The following SWT1 variants were observed in gnomAD, a reference collection of about 807,000 sequenced individuals.
The protein encoded by SWT1 is SWT1 RNA endoribonuclease homolog.
SWT1 carries 33 observed loss-of-function variants against 107.3 expected under a neutral mutation model. The ratio of observed to expected loss-of-function variants is 0.31; its 90% CI spans 0.23 to 0.41. The LOEUF is 0.41. Ranked by LOEUF, SWT1 falls within the 10% of genes least tolerant of loss-of-function variation. The pLI is 1.00. For synonymous variants in SWT1, 345 were observed against 348.3 expected (o/e 0.99, Z 0.11); for missense variants, 898 against 1,028.9 (o/e 0.87, Z 1.74).
At chr1:185,249,830 C>T (rs1661878724) in intron 16 of SWT1, among the ~76,000 whole-genome samples, 1 of 152,164 alleles carries the variant, frequency 6.6e-6, no homozygotes, top group African/African-American at 2.4e-5. Context: ...TTGGTTTTGG[C>T]TTCTGATTTA....
chr1:185,264,251 A>G (rs1464862102), intron 16 of SWT1: 1 of 572,656 alleles, frequency 1.7e-6, no homozygotes, highest in Admixed American at 6.4e-5. Flanking sequence ...TTAAGTATAT[A>G]GTAGACATCT....
At chr1:185,181,827 A>G in intron 6 of SWT1, 119 bp from the exon 7 acceptor site, 2 of 1,003,578 alleles carry the variant, frequency 2.0e-6, no homozygotes, top group Non-Finnish European at 2.9e-6. Flanking sequence ...TCAGAGTTTT[A>G]TAAAATTTTT....
chr1:185,213,093 C>A (rs564034600), intron 13 of SWT1, among the ~76,000 whole-genome samples: 1 of 152,030 alleles, frequency 6.6e-6, no homozygotes, highest in Non-Finnish European at 1.5e-5. Flanking sequence ...TGTCTGTATA[C>A]TGGATTTATT....
At chr1:185,230,302 G>A in intron 15 of SWT1, among the ~76,000 whole-genome samples, 1 of 152,226 alleles carries the variant, frequency 6.6e-6, no homozygotes, top group East Asian at 1.9e-4. Flanking sequence ...CAACAGAAAT[G>A]TATTTGCTCA....
chr1:185,172,618 T>A (rs1441313038), intron 4 of SWT1, among the ~76,000 whole-genome samples: 10 of 152,162 alleles, frequency 6.6e-5, no homozygotes, highest in Non-Finnish European at 5.9e-5. Context: ...TTTTTAGAGT[T>A]TTTAATTTAT....
intron 16 of SWT1, among the ~76,000 whole-genome samples, chr1:185,268,836 G>GTTTTCT (rs1171691310): frequency 1.4e-5 from 2 of 147,220 alleles, no homozygotes; most frequent in African/African-American, 2.5e-5. Context: ...CTGATAGTTT[G>GTTTTCT]TTTTCTTTCT....
At chr1:185,168,279 A>G in intron 3 of SWT1, 61 bp from the exon 4 acceptor site, 1 of 1,046,732 alleles carries the variant, frequency 9.6e-7, no homozygotes, top group Non-Finnish European at 1.3e-6. Flanking sequence ...CACTATCATA[A>G]ACTGTGGAAA....
chr1:185,228,484 C>T (rs532263931), intron 15 of SWT1, among the ~76,000 whole-genome samples: 21 of 151,390 alleles, frequency 1.4e-4, no homozygotes, highest in African/African-American at 3.6e-4. Context: ...ATTGTACCAC[C>T]GTACTCCAGC....
intron 16 of SWT1, 147 bp from the exon 17 acceptor site, chr1:185,271,176 T>C: frequency 1.9e-6 from 1 of 533,630 alleles, no homozygotes; most frequent in South Asian, 2.5e-5. Context: ...TAATTTTTAA[T>C]TGATTTTTAA....
intron 15 of SWT1, among the ~76,000 whole-genome samples, chr1:185,230,784 G>T (rs1327655980): frequency 6.6e-6 from 1 of 151,902 alleles, no homozygotes; most frequent in Admixed American, 6.6e-5. Context: ...GTCTCATTTT[G>T]TTGCCCAGGC....
intron 18 of SWT1, among the ~76,000 whole-genome samples, chr1:185,279,531 G>A (rs924082406): frequency 6.6e-6 from 1 of 151,880 alleles, no homozygotes; most frequent in Non-Finnish European, 1.5e-5. Flanking sequence ...TATTTAATAT[G>A]TTGCAGGCAT....
intron 6 of SWT1, 74 bp from the exon 7 acceptor site, chr1:185,181,872 G>A: frequency 6.7e-7 from 1 of 1,490,666 alleles, no homozygotes; most frequent in South Asian, 1.2e-5. Context: ...AATTAATTAA[G>A]AATTAATTGC....
At chr1:185,216,321 A>C (rs921905052) in intron 14 of SWT1, among the ~76,000 whole-genome samples, 1 of 152,180 alleles carries the variant, frequency 6.6e-6, no homozygotes, top group African/African-American at 2.4e-5. Context: ...AGAGGGTTAT[A>C]GCATGAGTAT....
At chr1:185,174,238 T>G in intron 4 of SWT1, 134 bp from the exon 5 acceptor site, 1 of 653,064 alleles carries the variant, frequency 1.5e-6, no homozygotes, top group South Asian at 4.8e-5. Flanking sequence ...TCCTTTCCAC[T>G]TCATTCTTAA....
At chr1:185,180,970 T>C (rs1267548196) in intron 6 of SWT1, among the ~76,000 whole-genome samples, 2 of 152,208 alleles carry the variant, frequency 1.3e-5, no homozygotes, top group Non-Finnish European at 2.9e-5. Context: ...TGTAATTGTC[T>C]TTTTAAAGAC....
intron 16 of SWT1, among the ~76,000 whole-genome samples, chr1:185,260,909 C>T (rs1211775381): frequency 6.6e-6 from 1 of 152,130 alleles, no homozygotes; most frequent in Non-Finnish European, 1.5e-5. Context: ...TCTTTCCCCA[C>T]AGTAATTCTA....
chr1:185,253,792 C>G (rs1662250146), intron 16 of SWT1, among the ~76,000 whole-genome samples: 1 of 151,650 alleles, frequency 6.6e-6, no homozygotes, highest in African/African-American at 2.4e-5. Context: ...CCTAATTGCC[C>G]TGGCCAGAAC....
intron 17 of SWT1, 115 bp from the exon 18 acceptor site, chr1:185,276,489 T>C (rs1664248402): frequency 3.7e-6 from 2 of 540,416 alleles, no homozygotes; most frequent in Non-Finnish European, 3.3e-6. Context: ...TTTAATCCTT[T>C]TTATGCAATA....
chr1:185,191,957 CTCTT>C (rs1656991032), intron 10 of SWT1, among the ~76,000 whole-genome samples: 1 of 152,144 alleles, frequency 6.6e-6, no homozygotes, highest in Admixed American at 6.5e-5. Flanking sequence ...TTTTCTCTCT[CTCTT>C]TTTTTGGTTG....
Sources: gnomAD v4.1 joint callset for allele counts (sites outside exome capture counted in the v4.1 genomes callset) on GRCh38, gnomAD v4.1.1 for gene constraint, MANE v1.5 for transcripts, NCBI Gene and HGNC (gene_info 2026-07-23, HGNC 2026-07-21) for gene names.